BRCA1: variants seen among roughly 807,000 people sequenced by gnomAD.
The protein encoded by BRCA1 is breast cancer type 1 susceptibility protein.
In BRCA1, 140 loss-of-function variants were observed where a neutral mutation model predicts 173.7. That is an observed-to-expected ratio of 0.81 (90% CI 0.70 to 0.93). BRCA1 has a LOEUF of 0.93. Among genes scored for constraint, BRCA1 ranks in the 40% least tolerant of loss-of-function variants. The pLI is 0.00. For missense variants in BRCA1, 1,983 were observed against 2,172.5 expected, an observed-to-expected ratio of 0.91 and a Z score of 1.73; for synonymous variants, 662 against 756.0, an observed-to-expected ratio of 0.88 and a Z score of 2.04.
chr17:43,110,477 TTGGGAGACTGAGG>T, intron 3 of BRCA1: 1 of 371,592 alleles, frequency 2.7e-6, no homozygotes, highest in Non-Finnish European at 5.4e-6. Context: ...TCCCAGCTAC[TTGGGAGACTGAGG>T]TGATAGGATC....
At chr17:43,048,351 C>T (rs974422104) in intron 21 of BRCA1, among the ~76,000 whole-genome samples, 6 of 152,010 alleles carry the variant, frequency 3.9e-5, no homozygotes, top group South Asian at 2.1e-4. Flanking sequence ...TACAGGCGTG[C>T]GCCCCTACGC....
chr17:43,126,726 G>C (rs2055887042), upstream of BRCA1, among the ~76,000 whole-genome samples: 1 of 152,212 alleles, frequency 6.6e-6, no homozygotes, highest in Non-Finnish European at 1.5e-5. Context: ...CGGCCTTGGC[G>C]TCCATTCTGG....
At chr17:43,057,507 T>C (rs2051553532) in intron 18 of BRCA1, among the ~76,000 whole-genome samples, 1 of 146,792 alleles carries the variant, frequency 6.8e-6, no homozygotes, top group South Asian at 2.2e-4. Context: ...CGAGACTCCA[T>C]CTCGCATCTC....
At chr17:43,052,375 G>A (rs2051279213) in intron 19 of BRCA1, among the ~76,000 whole-genome samples, 1 of 151,888 alleles carries the variant, frequency 6.6e-6, no homozygotes, top group African/African-American at 2.4e-5. Context: ...TGAACTTCTG[G>A]GCTCAAGCAA....
At chr17:43,138,834 C>T (rs779808451) in intron 1 of BRCA1, 1 of 778,924 alleles carries the variant, frequency 1.3e-6, no homozygotes, top group Non-Finnish European at 2.4e-6. Flanking sequence ...CCCCACCAGT[C>T]ACCAGCCTGG....
chr17:43,099,732 C>A (rs746927911), intron 7 of BRCA1, 43 bp downstream of exon 7: 1 of 1,497,164 alleles, frequency 6.7e-7, no homozygotes, highest in South Asian at 1.1e-5. Flanking sequence ...GATAAGGAAT[C>A]CAGCAATTAT....
intron 1 of BRCA1, chr17:43,124,713 A>G (rs1425851747): frequency 5.8e-6 from 1 of 171,656 alleles, no homozygotes; most frequent in East Asian, 1.7e-4. Context: ...CTTCTTCCAC[A>G]AGGTCCCATC....
chr17:43,074,506 T>C lies in BRCA1; in HGVS notation c.4500A>G (p.Lys1500=). ...ACCACCTATCATCTAATGATGGGCA[T>C]TTAGAAGGGGATGACCTAGAAAGAT... ...EPGVERSSPS[K]CPSLDDRWYM... The change falls in exon 14 of 23, where the codon AAA becomes AAG. Residue 1500 remains lysine (K), a synonymous_variant. Transcript: ENST00000357654. 1 of 1,613,690 alleles carries C rather than the reference T, an allele frequency of 6.2e-7. No homozygotes were observed. The highest frequency in any genetic ancestry group is 8.5e-7 in the Non-Finnish European group (1 of 1,179,636).
At chr17:43,155,002 C>G (rs1422420538) in intron 1 of BRCA1, among the ~76,000 whole-genome samples, 6 of 152,096 alleles carry the variant, frequency 3.9e-5, no homozygotes, top group Non-Finnish European at 8.8e-5. Context: ...GCAGAGAAGG[C>G]AAACCCTGAG....
rs1060504563 is a variant in BRCA1, at chr17:43,093,752, A to G, written c.1779T>C (p.Asn593=). Residue 593 remains asparagine (N), a synonymous_variant, in exon 10 of 23, where the codon AAT becomes AAC. Coordinates refer to ENST00000357654, the MANE Select transcript of BRCA1 (RefSeq NM_007294.4). ...TGTGGATATTTAATTCGAGTTCCATATTGCTTATACTGCTGCTTATAGGTT... is the reference window on the plus strand; with the variant it reads ...TGTGGATATTTAATTCGAGTTCCATGTTGCTTATACTGCTGCTTATAGGTT... ...KAEPISSSIS[N]MELELNIHNS... 1 of 1,613,914 alleles carries G rather than the reference A, an allele frequency of 6.2e-7. No individual in the cohort carries two copies. Among genetic ancestry groups the G allele is most frequent in the Non-Finnish European group, 8.5e-7 (1 of 1,179,974 alleles).
chr17:43,065,474 G>A (rs2052025989), intron 16 of BRCA1, among the ~76,000 whole-genome samples: 1 of 152,082 alleles, frequency 6.6e-6, no homozygotes, highest in Non-Finnish European at 1.5e-5. Context: ...TCCAAGACCA[G>A]CCTGACTGAC....
At chr17:43,129,736 A>C (rs2055949978), upstream of BRCA1, among the ~76,000 whole-genome samples, 1 of 152,162 alleles carries the variant, frequency 6.6e-6, no homozygotes, top group African/African-American at 2.4e-5. Context: ...GGCCTCCCAA[A>C]GTGCTGGGAT....
intron 22 of BRCA1, 130 bp downstream of exon 22, chr17:43,047,512 AT>A: frequency 1.1e-6 from 1 of 933,280 alleles, no homozygotes; most frequent in Non-Finnish European, 1.8e-6. Context: ...TCAAAAAGAC[AT>A]TTTAGCCATT....
chr17:43,073,070 A>G (rs2052526690), intron 14 of BRCA1, among the ~76,000 whole-genome samples: 1 of 151,650 alleles, frequency 6.6e-6, no homozygotes, highest in Non-Finnish European at 1.5e-5. Flanking sequence ...AGTGGCTCAC[A>G]CCTATAATCC....
chr17:43,047,719 G>A lies in BRCA1; in HGVS notation c.5407-16C>T, dbSNP rs587776493. Reference sequence around the variant, plus strand: ...GGTGGACACCCTGGATCCCCAGGAAGGAAAGAGCATTCAAAGTGTCAAAGT... The same window carrying A: ...GGTGGACACCCTGGATCCCCAGGAAAGAAAGAGCATTCAAAGTGTCAAAGT... On this transcript the variant is annotated splice_polypyrimidine_tract_variant and intron_variant, in intron 21 of 22. Coordinates refer to ENST00000357654, the MANE Select transcript of BRCA1 (RefSeq NM_007294.4). 8.7e-6 allele frequency: 14 copies of A among 1,613,796 alleles called. No homozygotes were observed. Among genetic ancestry groups the A allele is most frequent in the Non-Finnish European group, 1.2e-5 (14 of 1,179,844 alleles).
chr17:43,156,061 A>G (rs899871576), intron 1 of BRCA1, among the ~76,000 whole-genome samples: 1 of 151,268 alleles, frequency 6.6e-6, no homozygotes, highest in African/African-American at 2.4e-5. Flanking sequence ...ATATGGGGAA[A>G]CCCCGCCTCT....
At chr17:43,067,773 C>T (rs2153724539) in intron 15 of BRCA1, 78 bp from the exon 16 acceptor site, 1 of 1,112,716 alleles carries the variant, frequency 9.0e-7, no homozygotes, top group Non-Finnish European at 1.4e-6. Context: ...TCCACCATGG[C>T]ATATGTTTAC....
At chr17:43,052,358 G>A (rs2051277963) in intron 19 of BRCA1, among the ~76,000 whole-genome samples, 1 of 151,968 alleles carries the variant, frequency 6.6e-6, no homozygotes, top group African/African-American at 2.4e-5. Flanking sequence ...ATAGCTTGCT[G>A]CAGTATTGAA....
intron 8 of BRCA1, among the ~76,000 whole-genome samples, chr17:43,096,360 G>A (rs1189426148): frequency 2.5e-5 from 3 of 120,582 alleles, no homozygotes; most frequent in Non-Finnish European, 3.4e-5. Context: ...CTGGGCAACA[G>A]AGCAAGACTC....
Sources: allele counts gnomAD v4.1 joint callset (sites outside exome capture counted in the v4.1 genomes callset), GRCh38; gene constraint gnomAD v4.1.1; transcripts MANE v1.5; gene names NCBI Gene and HGNC (gene_info 2026-07-23, HGNC 2026-07-21).